The following LRMDA variants were observed in gnomAD, a reference collection of about 807,000 sequenced individuals.
LRMDA encodes the protein leucine-rich melanocyte differentiation-associated protein.
A neutral mutation model predicts 29.8 loss-of-function variants in LRMDA; 18 were observed. The observed-to-expected ratio is 0.60, with a 90% CI of 0.42 to 0.90. The LOEUF (loss-of-function observed/expected upper bound fraction) is 0.90. Among genes scored for constraint, LRMDA ranks in the 40% least tolerant of loss-of-function variants. LRMDA has a pLI of 0.00. For synonymous variants in LRMDA, 125 were observed against 109.4 expected (o/e 1.14, Z -0.89); for missense variants, 273 against 273.9 (o/e 1.00, Z 0.02).
chr10:76,516,296 CA>C (rs1233704213), intron 6 of LRMDA, among the ~76,000 whole-genome samples: 1 of 151,960 alleles, frequency 6.6e-6, no homozygotes, highest in Admixed American at 6.6e-5. Flanking sequence ...AATGATTAAA[CA>C]AATAAAGGTG....
intron 6 of LRMDA, among the ~76,000 whole-genome samples, chr10:76,379,359 AT>A (rs996934501): frequency 6.6e-6 from 1 of 151,934 alleles, no homozygotes; most frequent in African/African-American, 2.4e-5. Flanking sequence ...GGTCGTGGGC[AT>A]TTTTTGTGAT....
At chr10:75,437,469 A>G (rs1403807821) in intron 1 of LRMDA, among the ~76,000 whole-genome samples, 1 of 152,222 alleles carries the variant, frequency 6.6e-6, no homozygotes, top group Non-Finnish European at 1.5e-5. Flanking sequence ...TTAGGGAAAC[A>G]GCATGCATTG....
Position 76,559,051 on chromosome 10 carries a change from T to C in LRMDA, c.*1763T>C, listed in dbSNP as rs1453151157. On this transcript the variant is annotated 3_prime_UTR_variant, in exon 7 of 7. Coordinates refer to ENST00000611255, the MANE Select transcript of LRMDA (RefSeq NM_001305581.2). ...TTTGGTCCCACCCTGGGTCATTGTT[T>C]AGAAGCATCAACACATGTTTTCTCC... The C allele has an allele frequency of 6.6e-6, 1 of 152,220 alleles. No individual in the cohort carries two copies. Among genetic ancestry groups the C allele is most frequent in the African/African-American group, 2.4e-5 (1 of 41,460 alleles). 9.4% of individuals were successfully genotyped at this position (152,220 alleles called of 1,614,324 possible). A position where few individuals can be genotyped will look rare whatever the true frequency, so the allele number is the denominator to read the frequency against.
At chr10:76,462,714 G>A (rs1842525834) in intron 6 of LRMDA, among the ~76,000 whole-genome samples, 1 of 152,150 alleles carries the variant, frequency 6.6e-6, no homozygotes, top group African/African-American at 2.4e-5. Context: ...CCTGTCTCTT[G>A]GCTGCTAGGA....
chr10:75,688,282 C>T (rs1564540207), intron 2 of LRMDA, among the ~76,000 whole-genome samples: 2 of 152,294 alleles, frequency 1.3e-5, no homozygotes, highest in South Asian at 2.1e-4. Flanking sequence ...CCATGAAGAA[C>T]ATTTGTGATT....
intron 3 of LRMDA, among the ~76,000 whole-genome samples, chr10:76,042,282 G>C (rs2132035944): frequency 6.6e-6 from 1 of 152,302 alleles, no homozygotes; most frequent in South Asian, 2.1e-4. Flanking sequence ...ATTTATAGTA[G>C]GTAGTTGAAA....
At chr10:76,485,009 C>T (rs1372166140) in intron 6 of LRMDA, among the ~76,000 whole-genome samples, 1 of 151,794 alleles carries the variant, frequency 6.6e-6, no homozygotes, top group Non-Finnish European at 1.5e-5. Context: ...ATCCCATTTT[C>T]AACCTGTTTC....
At chr10:76,340,074 C>T (rs1432003478) in intron 6 of LRMDA, among the ~76,000 whole-genome samples, 2 of 152,012 alleles carry the variant, frequency 1.3e-5, no homozygotes, top group African/African-American at 2.4e-5. Flanking sequence ...CTTAGTAATG[C>T]ATTTAAAAAA....
chr10:76,210,022 A>G (rs1191307935), intron 5 of LRMDA, among the ~76,000 whole-genome samples: 1 of 152,230 alleles, frequency 6.6e-6, no homozygotes, highest in Non-Finnish European at 1.5e-5. Flanking sequence ...ATGAGTGGGC[A>G]GATTTACCAC....
At chr10:75,656,740 C>T (rs1346167798) in intron 2 of LRMDA, among the ~76,000 whole-genome samples, 1 of 152,178 alleles carries the variant, frequency 6.6e-6, no homozygotes, top group Non-Finnish European at 1.5e-5. Flanking sequence ...AGATTAGAAT[C>T]TTAATCCTAA....
chr10:75,749,358 C>A (rs1842925858), intron 2 of LRMDA, among the ~76,000 whole-genome samples: 1 of 151,934 alleles, frequency 6.6e-6, no homozygotes, highest in African/African-American at 2.4e-5. Context: ...GAATTTTTGG[C>A]TGTGGAGGGT....
At chr10:75,465,896 A>C (rs999174360) in intron 2 of LRMDA, among the ~76,000 whole-genome samples, 1 of 152,236 alleles carries the variant, frequency 6.6e-6, no homozygotes, top group Non-Finnish European at 1.5e-5. Context: ...GGAGTTCATA[A>C]TTCATCATTT....
chr10:75,880,088 C>T (rs182972139), intron 2 of LRMDA, among the ~76,000 whole-genome samples: 1 of 152,254 alleles, frequency 6.6e-6, no homozygotes, highest in Non-Finnish European at 1.5e-5. Flanking sequence ...GTTTGTCGGC[C>T]TGATTCCTTT....
intron 2 of LRMDA, among the ~76,000 whole-genome samples, chr10:75,537,071 C>T (rs554714539): frequency 6.6e-5 from 10 of 152,256 alleles, no homozygotes; most frequent in South Asian, 2.1e-4. Context: ...CCTTACGTTC[C>T]GGTCAAGAGT....
At chr10:75,733,609 G>A (rs1396418513) in intron 2 of LRMDA, among the ~76,000 whole-genome samples, 1 of 152,186 alleles carries the variant, frequency 6.6e-6, no homozygotes, top group Non-Finnish European at 1.5e-5. Context: ...GCCTGTTATG[G>A]AGGCAGAATG....
chr10:76,461,845 C>T (rs1434841934), intron 6 of LRMDA, among the ~76,000 whole-genome samples: 2 of 151,926 alleles, frequency 1.3e-5, no homozygotes, highest in African/African-American at 2.4e-5. Context: ...GAGGCCGAGG[C>T]GGGCAGGTCC....
intron 2 of LRMDA, among the ~76,000 whole-genome samples, chr10:75,615,512 C>T (rs1412082033): frequency 6.6e-6 from 1 of 152,078 alleles, no homozygotes; most frequent in Non-Finnish European, 1.5e-5. Context: ...ATTAGGAATA[C>T]TCAACCTGAT....
At chr10:75,875,838 G>T (rs1287706358) in intron 2 of LRMDA, among the ~76,000 whole-genome samples, 1 of 152,134 alleles carries the variant, frequency 6.6e-6, no homozygotes, top group African/African-American at 2.4e-5. Context: ...GACTCTGTTG[G>T]GAAGACATGA....
intron 6 of LRMDA, among the ~76,000 whole-genome samples, chr10:76,509,560 C>G (rs971312835): frequency 6.6e-6 from 1 of 152,164 alleles, no homozygotes; most frequent in Admixed American, 6.5e-5. Context: ...ATATGCCAGA[C>G]AGTAATAAAT....
Sources: allele counts gnomAD v4.1 joint callset (sites outside exome capture counted in the v4.1 genomes callset), GRCh38; gene constraint gnomAD v4.1.1; transcripts MANE v1.5; gene names NCBI Gene and HGNC (gene_info 2026-07-23, HGNC 2026-07-21).